The following VWA3B variants were observed in gnomAD, a reference collection of about 807,000 sequenced individuals.
VWA3B encodes von Willebrand factor A domain-containing protein 3B.
A neutral mutation model predicts 158.3 loss-of-function variants in VWA3B; 138 were observed. That is an observed-to-expected ratio of 0.87 (90% CI 0.76 to 1.00). The LOEUF is 1.00. Ranked by LOEUF, VWA3B falls within the 50% of genes least tolerant of loss-of-function variation. The pLI is 0.00. For synonymous variants in VWA3B, 596 were observed against 587.3 expected (o/e 1.01, Z -0.21); for missense variants, 1,555 against 1,565.1 (o/e 0.99, Z 0.11).
chr2:98,203,729 G>T (rs1682780765), intron 12 of VWA3B, among the ~76,000 whole-genome samples: 1 of 152,152 alleles, frequency 6.6e-6, no homozygotes, highest in Non-Finnish European at 1.5e-5. Context: ...CCTATTTGTT[G>T]TCAGTGTGTA....
At chr2:98,301,053 G>A (rs1574311634) in intron 25 of VWA3B, among the ~76,000 whole-genome samples, 1 of 152,308 alleles carries the variant, frequency 6.6e-6, no homozygotes, top group East Asian at 1.9e-4. Flanking sequence ...CAATTTGGGA[G>A]GCTGAGGTGG....
intron 8 of VWA3B, among the ~76,000 whole-genome samples, chr2:98,178,028 G>T (rs1221053846): frequency 6.6e-6 from 1 of 152,148 alleles, no homozygotes; most frequent in African/African-American, 2.4e-5. Flanking sequence ...GAAACACAAT[G>T]AATGGGAATA....
intron 7 of VWA3B, among the ~76,000 whole-genome samples, chr2:98,142,995 G>C (rs181596734): frequency 1.1e-3 from 169 of 152,066 alleles, no homozygotes; most frequent in Non-Finnish European, 1.7e-3. Flanking sequence ...AAATTTAGAG[G>C]ATAAATCAAA....
At chr2:98,162,505 C>G (rs1264139386) in intron 7 of VWA3B, among the ~76,000 whole-genome samples, 2 of 152,140 alleles carry the variant, frequency 1.3e-5, no homozygotes, top group Admixed American at 1.3e-4. Context: ...TGCATTTCCC[C>G]TCCTCGCAGC....
intron 12 of VWA3B, among the ~76,000 whole-genome samples, chr2:98,198,983 A>T (rs1682298216): frequency 6.6e-6 from 1 of 151,876 alleles, no homozygotes; most frequent in African/African-American, 2.4e-5. Context: ...GCTACTCGGG[A>T]GGCTGAGGCA....
rs1162920956 is a variant in VWA3B, at chr2:98,125,545, C to G, written c.703-2694C>G. On this transcript the variant is annotated intron_variant, in intron 5 of 27. Coordinates refer to ENST00000477737, the MANE Select transcript of VWA3B (RefSeq NM_144992.5). The surrounding 1 kb of genome is among the most constrained non-coding windows in gnomAD (Gnocchi z 4.1). ...GACTGTTGTATTGAGTGAGATAATT[C>G]ATTTTAGTTTATCATCCCAAATAGC... is the stretch of plus-strand genomic sequence containing the variant. Among the ~76,000 whole-genome samples the G allele has an allele frequency of 6.6e-6, 1 of 152,202 alleles. No homozygotes were observed. The highest frequency in any genetic ancestry group is 1.5e-5 in the Non-Finnish European group (1 of 68,038).
intron 7 of VWA3B, among the ~76,000 whole-genome samples, chr2:98,150,803 A>G (rs145008017): frequency 2.6e-5 from 4 of 152,260 alleles, no homozygotes; most frequent in African/African-American, 9.6e-5. Flanking sequence ...GACAGTCTGT[A>G]GGTGTGATTT....
intron 12 of VWA3B, among the ~76,000 whole-genome samples, chr2:98,195,217 G>A (rs949228332): frequency 1.3e-5 from 2 of 152,210 alleles, no homozygotes; most frequent in African/African-American, 2.4e-5. Flanking sequence ...GGAGGCTGAG[G>A]TAGGAGGATC....
chr2:98,226,742 A>G (rs544169432), intron 14 of VWA3B, among the ~76,000 whole-genome samples: 1 of 152,324 alleles, frequency 6.6e-6, no homozygotes, highest in South Asian at 2.1e-4. Flanking sequence ...CAAACCATCT[A>G]ATCAGAAAAT....
chr2:98,329,032 A>T, the VWA3B span, among the ~76,000 whole-genome samples: 1 of 152,366 alleles, frequency 6.6e-6, no homozygotes, highest in Non-Finnish European at 1.5e-5. Flanking sequence ...GGACCCACAC[A>T]CATATATGGT....
Position 98,115,643 on chromosome 2 carries a change from A to C in VWA3B, c.197-9A>C. 1 of 1,612,376 alleles carries C rather than the reference A, an allele frequency of 6.2e-7. No individual in the cohort carries two copies. The highest frequency in any genetic ancestry group is 8.5e-7 in the Non-Finnish European group (1 of 1,178,806). On this transcript the variant is annotated splice_polypyrimidine_tract_variant and intron_variant, in intron 2 of 27. Coordinates refer to ENST00000477737, the MANE Select transcript of VWA3B (RefSeq NM_144992.5). The stretch of plus-strand genomic sequence containing the variant: ...ACTGTTTTGATTGTTTTTCTTTATA[A>C]AAATGCAGATTATGTGGCGTCTCTG...
At chr2:98,120,779 A>C (rs1200451432) in intron 4 of VWA3B, among the ~76,000 whole-genome samples, 4 of 152,238 alleles carry the variant, frequency 2.6e-5, no homozygotes, top group Admixed American at 2.6e-4. Context: ...CAGGATTTAA[A>C]AACTAATACT....
At chr2:98,105,821 C>G (rs530262903) in intron 2 of VWA3B, among the ~76,000 whole-genome samples, 1 of 152,144 alleles carries the variant, frequency 6.6e-6, no homozygotes, top group Admixed American at 6.5e-5. Context: ...AAGTGACTAC[C>G]CTTCCTACTT....
chr2:98,304,017 T>A (rs62155308), intron 26 of VWA3B, among the ~76,000 whole-genome samples: 5,935 of 152,328 alleles, frequency 0.039, 168 homozygotes, highest in Middle Eastern at 0.075. Flanking sequence ...TCTCAAATTC[T>A]ACATTATTTG....
intron 12 of VWA3B, among the ~76,000 whole-genome samples, chr2:98,209,572 G>A (rs753125653): frequency 3.9e-5 from 6 of 152,266 alleles, no homozygotes; most frequent in South Asian, 2.1e-4. Context: ...GAGCCACCGC[G>A]CCCAGGCAAA....
chr2:98,189,070 T>G (rs1423061296), intron 10 of VWA3B, among the ~76,000 whole-genome samples: 1 of 152,252 alleles, frequency 6.6e-6, no homozygotes, highest in Non-Finnish European at 1.5e-5. Flanking sequence ...GAATATTTTC[T>G]AATTTTCCCC....
intron 1 of VWA3B, among the ~76,000 whole-genome samples, chr2:98,091,026 C>A (rs1682252051): frequency 6.6e-6 from 1 of 152,190 alleles, no homozygotes; most frequent in African/African-American, 2.4e-5. Flanking sequence ...GGATTACAGG[C>A]ATGAGCCACT....
chr2:98,175,763 T>C (rs1679961816), intron 8 of VWA3B, among the ~76,000 whole-genome samples: 1 of 152,186 alleles, frequency 6.6e-6, no homozygotes, highest in Non-Finnish European at 1.5e-5. Flanking sequence ...CCTAGACACA[T>C]TATAATCAAG....
chr2:98,129,224 A>AGAGAGTGTGTGT (rs1370543551), intron 6 of VWA3B, among the ~76,000 whole-genome samples: 3,571 of 124,496 alleles, frequency 0.029, 54 homozygotes, highest in Non-Finnish European at 0.035. Context: ...AGAGAGAGAG[A>AGAGAGTGTGTGT]GTGTGTGTGT....
Sources: gnomAD v4.1 joint callset for allele counts (sites outside exome capture counted in the v4.1 genomes callset) on GRCh38, gnomAD v4.1.1 for gene constraint, Gnocchi (gnomAD v3.1) non-coding constraint, MANE v1.5 for transcripts, NCBI Gene and HGNC (gene_info 2026-07-23, HGNC 2026-07-21) for gene names.